SLC35F4: variants seen among roughly 807,000 people sequenced by gnomAD.
SLC35F4 encodes the protein chromosome 14 open reading frame 36.
SLC35F4 carries 24 observed loss-of-function variants against 44.2 expected under a neutral mutation model. The observed-to-expected ratio is 0.54, with a 90% CI of 0.39 to 0.76. SLC35F4 has a LOEUF of 0.76. Ranked by LOEUF, SLC35F4 falls within the 30% of genes least tolerant of loss-of-function variation. SLC35F4 has a pLI of 0.00. For missense variants in SLC35F4, 562 were observed against 586.1 expected (o/e 0.96, Z 0.42); for synonymous variants, 238 against 223.6 (o/e 1.06, Z -0.57).
intron 1 of SLC35F4, among the ~76,000 whole-genome samples, chr14:57,762,983 C>A (rs1165479134): frequency 6.6e-6 from 1 of 152,146 alleles, no homozygotes; most frequent in Non-Finnish European, 1.5e-5. Flanking sequence ...AGAGCCCCAA[C>A]ACTGTAGTTT....
At chr14:57,663,618 C>T (rs1419103608) in intron 1 of SLC35F4, among the ~76,000 whole-genome samples, 1 of 152,164 alleles carries the variant, frequency 6.6e-6, no homozygotes, top group Non-Finnish European at 1.5e-5. Context: ...GCTCATATTT[C>T]TCCAGTTAGT....
chr14:57,574,328 GC>G lies in SLC35F4; in HGVS notation c.808-2310del, dbSNP rs555254914. Reference sequence around the variant, plus strand: ...TCTTCATTACTCGTTATATTCAAGTGCTTGTGAAAATATTAGCCTGGACCAC... The same window carrying G: ...TCTTCATTACTCGTTATATTCAAGTGTTGTGAAAATATTAGCCTGGACCAC... On this transcript the variant is annotated intron_variant, in intron 4 of 7. Transcript: ENST00000556826. 1.4e-3 allele frequency among the ~76,000 whole-genome samples: 207 copies of G among 152,278 alleles called. 1 individual carries two copies. Among genetic ancestry groups the G allele is most frequent in the Non-Finnish European group, 2.6e-3 (177 of 68,022 alleles).
At chr14:57,937,590 GAAAAGAAAAGAAAAGAAAAGAAAAGAAAA>G (rs1889827854) in intron 1 of SLC35F4, among the ~76,000 whole-genome samples, 1 of 14,344 alleles carries the variant, frequency 7.0e-5, no homozygotes. Flanking sequence ...AGAAAAGAAA[GAAAAGAAAAGAAAAGAAAAGAAAAGAAAA>G]GAAAAGAAAA....
intron 1 of SLC35F4, among the ~76,000 whole-genome samples, chr14:57,760,513 A>G (rs1297127126): frequency 6.6e-6 from 1 of 152,168 alleles, no homozygotes; most frequent in Non-Finnish European, 1.5e-5. Flanking sequence ...GTTTCCATAC[A>G]AATTTTATAA....
Position 57,846,406 on chromosome 14 carries a change from G to GAAAC in SLC35F4, c.103+19313_103+19316dup, listed in dbSNP as rs1005414972. 5.9e-5 allele frequency among the ~76,000 whole-genome samples: 9 copies of GAAAC among 152,210 alleles called. No individual in the cohort carries two copies. In the South Asian group the frequency reaches 1.7e-3, roughly 28 times the overall value. ...TTTGGTTAGCAGATTATTCAGTCCT[G>GAAAC]AAACAAACAAACAAACAAACCAGGC... On this transcript the variant is annotated intron_variant, in intron 1 of 7. Coordinates refer to ENST00000556826, the MANE Select transcript of SLC35F4 (RefSeq NM_001306087.2).
In SLC35F4 at chr14:57,625,156, C is replaced by G. The variant is rs186216156; in HGVS notation, c.104-31032G>C. Among the ~76,000 whole-genome samples, 8 of 152,038 alleles carry G rather than the reference C, an allele frequency of 5.3e-5. No homozygotes were observed. In the South Asian group the frequency reaches 1.5e-3, roughly 28 times the overall value. ...AAAAATCACAAGCATTCCTATACACCAAGAACAGACAGAGAGCCAAATCAT... is the reference window on the plus strand; with the variant it reads ...AAAAATCACAAGCATTCCTATACACGAAGAACAGACAGAGAGCCAAATCAT... On this transcript the variant is annotated intron_variant, in intron 1 of 7. Transcript: ENST00000556826.
At chr14:57,792,329 G>A (rs2077941243) in intron 1 of SLC35F4, among the ~76,000 whole-genome samples, 1 of 152,082 alleles carries the variant, frequency 6.6e-6, no homozygotes, top group Non-Finnish European at 1.5e-5. Flanking sequence ...AACTAGTGCA[G>A]CCACTATGGA....
rs1302954779 is a variant in SLC35F4, at chr14:57,569,951, G to T, written c.963C>A (p.Ala321=). Residue 321 remains alanine (A), a synonymous_variant, in exon 6 of 8, where the codon GCC becomes GCA. Coordinates refer to ENST00000556826, the MANE Select transcript of SLC35F4 (RefSeq NM_001306087.2). Reference sequence around the variant, plus strand: ...CAAAGTGTGCAGCTTCCCCAAAGTTGGCACTTCCAAGAAACATTTTAAACA... The same window carrying T: ...CAAAGTGTGCAGCTTCCCCAAAGTTTGCACTTCCAAGAAACATTTTAAACA... The part of the protein sequence containing the change: ...KVLFKMFLGS[A]NFGEAAHFVS... The T allele has an allele frequency of 5.0e-6, 8 of 1,608,782 alleles. No individual in the cohort carries two copies. The South Asian group carries it at 8.9e-5, about 18-fold the overall frequency.
upstream of SLC35F4, among the ~76,000 whole-genome samples, chr14:57,866,806 G>C (rs553161909): frequency 1.1e-3 from 160 of 152,038 alleles, 3 homozygotes; most frequent in South Asian, 0.032. Flanking sequence ...CTTTCCATTA[G>C]AGCAGAACAT....
intron 1 of SLC35F4, among the ~76,000 whole-genome samples, chr14:57,692,121 G>C (rs1361544386): frequency 6.6e-6 from 1 of 152,188 alleles, no homozygotes; most frequent in Non-Finnish European, 1.5e-5. Flanking sequence ...AAAATTTCCA[G>C]AAAATGTTCA....
intron 1 of SLC35F4, among the ~76,000 whole-genome samples, chr14:57,907,922 G>A (rs989249377): frequency 2.1e-4 from 32 of 151,298 alleles, no homozygotes; most frequent in African/African-American, 6.3e-4. Context: ...CTATTGACCC[G>A]TCCTCTAAGT....
chr14:57,840,587 C>T (rs946772596), intron 1 of SLC35F4, among the ~76,000 whole-genome samples: 1 of 152,080 alleles, frequency 6.6e-6, no homozygotes, highest in African/African-American at 2.4e-5. Context: ...GGTGTAGGCT[C>T]TCAAAATCTG....
intron 1 of SLC35F4, among the ~76,000 whole-genome samples, chr14:57,609,899 G>C (rs999746533): frequency 2.6e-5 from 4 of 152,178 alleles, no homozygotes; most frequent in African/African-American, 9.7e-5. Flanking sequence ...GCTGCCATGT[G>C]TTCCTAGCCT....
At chr14:57,648,771 A>G (rs745914994) in intron 1 of SLC35F4, among the ~76,000 whole-genome samples, 2 of 152,256 alleles carry the variant, frequency 1.3e-5, no homozygotes, top group Non-Finnish European at 2.9e-5. Flanking sequence ...AACACCCTGC[A>G]TGATCTGATC....
At chr14:57,888,935 C>T (rs1294345081) in intron 1 of SLC35F4, among the ~76,000 whole-genome samples, 2 of 152,174 alleles carry the variant, frequency 1.3e-5, no homozygotes, top group African/African-American at 2.4e-5. Context: ...TTCCATTACA[C>T]ATTCAAAGAA....
At chr14:57,619,580 T>A (rs1207946364) in intron 1 of SLC35F4, among the ~76,000 whole-genome samples, 1 of 151,942 alleles carries the variant, frequency 6.6e-6, no homozygotes, top group African/African-American at 2.4e-5. Context: ...TCCATGAAGA[T>A]GGGGAGAAAC....
chr14:57,620,346 C>G (rs2072109093), intron 1 of SLC35F4, among the ~76,000 whole-genome samples: 1 of 152,132 alleles, frequency 6.6e-6, no homozygotes, highest in Middle Eastern at 3.2e-3. Context: ...AATCTCTCGG[C>G]AGAAACACTA....
intron 1 of SLC35F4, among the ~76,000 whole-genome samples, chr14:57,946,726 T>C (rs911089871): frequency 6.6e-6 from 1 of 152,164 alleles, no homozygotes; most frequent in Admixed American, 6.5e-5. Flanking sequence ...TCTACCTGCC[T>C]TGGCCTCTCA....
chr14:57,627,905 G>A (rs1361994597), intron 1 of SLC35F4, among the ~76,000 whole-genome samples: 1 of 151,922 alleles, frequency 6.6e-6, no homozygotes, highest in Non-Finnish European at 1.5e-5. Context: ...CAATGTTGCT[G>A]TTTTCCCCTT....
Sources: allele counts gnomAD v4.1 joint callset (sites outside exome capture counted in the v4.1 genomes callset), GRCh38; gene constraint gnomAD v4.1.1; transcripts MANE v1.5; gene names NCBI Gene and HGNC (gene_info 2026-07-23, HGNC 2026-07-21).